GALNT13: variants seen among roughly 807,000 people sequenced by gnomAD.
The protein encoded by GALNT13 is UDP-GalNAc:polypeptide N-acetylgalactosaminyltransferase 13.
A neutral mutation model predicts 64.2 loss-of-function variants in GALNT13; 28 were observed. That is an observed-to-expected ratio of 0.44 (90% CI 0.32 to 0.60). The LOEUF (loss-of-function observed/expected upper bound fraction) is 0.60, where lower values mean the gene tolerates loss of function less well. Among genes scored for constraint, GALNT13 ranks in the 20% least tolerant of loss-of-function variants. GALNT13 has a pLI of 0.05. For missense variants in GALNT13, 577 were observed against 669.8 expected (o/e 0.86, Z 1.53); for synonymous variants, 214 against 224.6 (o/e 0.95, Z 0.42).
chr2:153,739,903 C>A, the GALNT13 span, among the ~76,000 whole-genome samples: 2 of 151,682 alleles, frequency 1.3e-5, no homozygotes, highest in South Asian at 2.1e-4. Flanking sequence ...TGAGTTATGT[C>A]ATTTTTCCTT....
At chr2:153,837,294 C>T in the GALNT13 span, among the ~76,000 whole-genome samples, 2 of 152,258 alleles carry the variant, frequency 1.3e-5, no homozygotes, top group East Asian at 3.9e-4. Context: ...CTGTTGGCTG[C>T]ATAAATGTCT....
the GALNT13 span, among the ~76,000 whole-genome samples, chr2:153,136,120 T>C: frequency 2.0e-5 from 3 of 152,076 alleles, no homozygotes; most frequent in South Asian, 6.2e-4. Flanking sequence ...ACAACTTATT[T>C]AACATTTACT....
chr2:153,555,453 C>T, the GALNT13 span, among the ~76,000 whole-genome samples: 12 of 104,706 alleles, frequency 1.1e-4, 3 homozygotes, highest in Admixed American at 1.1e-3. Flanking sequence ...CTCGGCCTCC[C>T]AAAGTGCTGG....
the GALNT13 span, among the ~76,000 whole-genome samples, chr2:153,574,129 G>GT: frequency 0.034 from 4,706 of 140,422 alleles, 244 homozygotes; most frequent in African/African-American, 0.11. Context: ...GTAAGGTAAA[G>GT]TTTTTTTTTT....
At chr2:153,636,782 A>G in the GALNT13 span, among the ~76,000 whole-genome samples, 2 of 152,170 alleles carry the variant, frequency 1.3e-5, no homozygotes, top group African/African-American at 4.8e-5. Flanking sequence ...CTAGGAATTT[A>G]GAGGAAAATA....
At chr2:154,121,089 C>T (rs147818243) in intron 3 of GALNT13, among the ~76,000 whole-genome samples, 98 of 152,258 alleles carry the variant, frequency 6.4e-4, no homozygotes, top group Admixed American at 1.2e-3. Flanking sequence ...TGGTATTGTG[C>T]CGACTTGGGG....
chr2:154,417,299 A>C (rs1700054444), intron 11 of GALNT13, among the ~76,000 whole-genome samples: 1 of 150,980 alleles, frequency 6.6e-6, no homozygotes, highest in African/African-American at 2.4e-5. Context: ...AAAAAAAAAA[A>C]AAAACCTGAA....
At chr2:153,552,575 C>CTTTTTTTTTT in the GALNT13 span, among the ~76,000 whole-genome samples, 23 of 69,298 alleles carry the variant, frequency 3.3e-4, 1 homozygote, top group Non-Finnish European at 3.9e-4. Context: ...GCTTCTTCTT[C>CTTTTTTTTTT]TTTTTTTTTT....
At chr2:153,731,765 C>A in the GALNT13 span, among the ~76,000 whole-genome samples, 1 of 151,104 alleles carries the variant, frequency 6.6e-6, no homozygotes, top group African/African-American at 2.4e-5. Flanking sequence ...ATTTTGACAT[C>A]TTTTTTTTTC....
At chr2:153,578,806 T>G in the GALNT13 span, among the ~76,000 whole-genome samples, 1 of 152,180 alleles carries the variant, frequency 6.6e-6, no homozygotes, top group Non-Finnish European at 1.5e-5. Context: ...TCAGAAAGTT[T>G]AAGATTAATC....
intron 3 of GALNT13, among the ~76,000 whole-genome samples, chr2:154,019,524 C>T (rs1330398846): frequency 3.3e-5 from 5 of 150,208 alleles, no homozygotes; most frequent in South Asian, 2.1e-4. Flanking sequence ...GCAGGAGGAT[C>T]GCTTGAACTT....
chr2:154,339,109 A>C (rs1271364837), intron 9 of GALNT13, among the ~76,000 whole-genome samples: 2 of 152,150 alleles, frequency 1.3e-5, no homozygotes, highest in Non-Finnish European at 2.9e-5. Flanking sequence ...TAGGCATTCA[A>C]TCATGGGCAA....
chr2:154,206,653 C>T (rs1053994629), intron 4 of GALNT13, among the ~76,000 whole-genome samples: 3 of 151,694 alleles, frequency 2.0e-5, no homozygotes, highest in Admixed American at 6.6e-5. Context: ...AAACATTAGC[C>T]GGGTGTGGTG....
the GALNT13 span, among the ~76,000 whole-genome samples, chr2:153,248,183 A>G: frequency 6.6e-6 from 1 of 152,214 alleles, no homozygotes; most frequent in Non-Finnish European, 1.5e-5. Context: ...AACAAAAGAA[A>G]AAGAGGGACT....
chr2:153,381,196 C>A, the GALNT13 span, among the ~76,000 whole-genome samples: 1 of 152,126 alleles, frequency 6.6e-6, no homozygotes. Flanking sequence ...ATCGATCCTC[C>A]TCATCCTCCC....
rs191698375 is a variant in GALNT13 at position 153,992,551 on chromosome 2, C to T, written c.142+47912C>T. On this transcript the variant is annotated intron_variant, in intron 3 of 12. Transcript: ENST00000392825. ...AAATACATGTATGAACAAAGTTCAA[C>T]CTGAACACTGAATGATCTGATTGTA... 3.9e-5 allele frequency among the ~76,000 whole-genome samples: 6 copies of T among 152,118 alleles called. No homozygotes were observed. In the East Asian group the frequency reaches 1.2e-3, roughly 29 times the overall value.
the GALNT13 span, among the ~76,000 whole-genome samples, chr2:153,269,903 G>A: frequency 6.6e-6 from 1 of 152,050 alleles, no homozygotes; most frequent in African/African-American, 2.4e-5. Flanking sequence ...AGAACAGTAT[G>A]GGGGAAACTC....
At chr2:153,097,937 G>A in the GALNT13 span, among the ~76,000 whole-genome samples, 2 of 152,102 alleles carry the variant, frequency 1.3e-5, no homozygotes, top group South Asian at 4.1e-4. Flanking sequence ...GTGGTCGTGG[G>A]CACCTGTAGT....
chr2:154,038,870 T>A (rs1698816731), intron 3 of GALNT13, among the ~76,000 whole-genome samples: 1 of 152,056 alleles, frequency 6.6e-6, no homozygotes, highest in African/African-American at 2.4e-5. Context: ...CAAGAAGGGA[T>A]TAATATCCAG....
Sources: allele counts gnomAD v4.1 joint callset (sites outside exome capture counted in the v4.1 genomes callset), GRCh38; gene constraint gnomAD v4.1.1; transcripts MANE v1.5; gene names NCBI Gene and HGNC (gene_info 2026-07-23, HGNC 2026-07-21).